ASAH2: variants seen among roughly 807,000 people sequenced by gnomAD.
ASAH2 encodes the protein N-acylsphingosine amidohydrolase 2, also known as neutral ceramidase.
A neutral mutation model predicts 82.9 loss-of-function variants in ASAH2; 58 were observed. The observed-to-expected ratio is 0.70, with a 90% CI of 0.57 to 0.87. The LOEUF (loss-of-function observed/expected upper bound fraction) is 0.87, where lower values mean the gene tolerates loss of function less well. ASAH2 is among the 40% of genes least tolerant of loss of function. ASAH2 has a pLI of 0.00. For missense variants in ASAH2, 779 were observed against 834.0 expected (o/e 0.93, Z 0.81); for synonymous variants, 276 against 289.7 (o/e 0.95, Z 0.48).
At chr10:50,236,185 A>G in intron 4 of ASAH2, 121 bp from the exon 5 acceptor site, 2 of 879,444 alleles carry the variant, frequency 2.3e-6, no homozygotes, top group Non-Finnish European at 3.8e-6. Flanking sequence ...GTCCATTCTC[A>G]TGCTGCTAAT....
chr10:50,198,725 T>A, intron 17 of ASAH2, among the ~76,000 whole-genome samples: 1 of 151,972 alleles, frequency 6.6e-6, no homozygotes, highest in Non-Finnish European at 1.5e-5. Context: ...TATGTGCTCC[T>A]CTGAAAACTG....
intron 8 of ASAH2, among the ~76,000 whole-genome samples, chr10:50,216,008 G>T (rs1391870340): frequency 2.6e-5 from 4 of 152,136 alleles, no homozygotes; most frequent in Non-Finnish European, 5.9e-5. Context: ...CATATCCTTT[G>T]CAGGGACATG....
intron 16 of ASAH2, 60 bp from the exon 17 acceptor site, chr10:50,199,206 G>A: frequency 1.3e-6 from 2 of 1,582,156 alleles, no homozygotes; most frequent in Non-Finnish European, 8.7e-7. Flanking sequence ...ATTTACAGAG[G>A]TGTAGCATTT....
chr10:50,199,452 T>C (rs1845082765), intron 16 of ASAH2, among the ~76,000 whole-genome samples: 1 of 151,730 alleles, frequency 6.6e-6, no homozygotes, highest in African/African-American at 2.4e-5. Context: ...ACTTGTAATA[T>C]AAGTGCTTTC....
intron 7 of ASAH2, among the ~76,000 whole-genome samples, chr10:50,231,421 A>G (rs934693177): frequency 1.3e-5 from 2 of 151,884 alleles, no homozygotes; most frequent in African/African-American, 4.8e-5. Flanking sequence ...TCTCAGGAAA[A>G]ACTCAGGGCT....
chr10:50,227,205 G>T (rs1845908382), intron 7 of ASAH2, among the ~76,000 whole-genome samples: 2 of 152,012 alleles, frequency 1.3e-5, no homozygotes, highest in South Asian at 4.1e-4. Flanking sequence ...ATAAAGAACG[G>T]TTCAAAGAAA....
At chr10:50,211,619 A>T (rs1413663655) in intron 10 of ASAH2, among the ~76,000 whole-genome samples, 1 of 151,242 alleles carries the variant, frequency 6.6e-6, no homozygotes, top group East Asian at 1.9e-4. Flanking sequence ...CCCACAATCC[A>T]CTCTTCGGTG....
At chr10:50,229,819 T>G (rs1475128371) in intron 7 of ASAH2, among the ~76,000 whole-genome samples, 5 of 152,180 alleles carry the variant, frequency 3.3e-5, no homozygotes, top group Admixed American at 3.3e-4. Context: ...AGGGAAACCT[T>G]TCCCAATCTC....
At chr10:50,205,896 T>C (rs1845280065) in intron 13 of ASAH2, 86 bp downstream of exon 13, 8 of 1,074,198 alleles carry the variant, frequency 7.4e-6, no homozygotes, top group Admixed American at 1.7e-5. Context: ...CCCATCTCAG[T>C]AGATATCTAC....
At chr10:50,196,512 C>T (rs1418633011) in intron 18 of ASAH2, among the ~76,000 whole-genome samples, 83 of 148,204 alleles carry the variant, frequency 5.6e-4, no homozygotes, top group Admixed American at 2.4e-3. Context: ...TAAGAGACAA[C>T]TCTCAGTGCC....
At chr10:50,205,480 A>C (rs1219950792) in intron 13 of ASAH2, among the ~76,000 whole-genome samples, 1 of 152,022 alleles carries the variant, frequency 6.6e-6, no homozygotes, top group African/African-American at 2.4e-5. Flanking sequence ...AAATGCTTCT[A>C]ACTCAACAAT....
intron 17 of ASAH2, 26 bp downstream of exon 17, chr10:50,199,025 T>C (rs1441336318): frequency 2.3e-5 from 37 of 1,607,316 alleles, no homozygotes; most frequent in Non-Finnish European, 2.7e-5. Context: ...CACGCGCGCA[T>C]GCACGCACAA....
intron 7 of ASAH2, among the ~76,000 whole-genome samples, chr10:50,221,056 T>C (rs1845731471): frequency 6.6e-6 from 1 of 152,194 alleles, no homozygotes. Flanking sequence ...GTGAGCTGAA[T>C]TCAGTCCCTG....
chr10:50,236,103 A>T, intron 4 of ASAH2, 39 bp from the exon 5 acceptor site: 1 of 1,576,450 alleles, frequency 6.3e-7, no homozygotes, highest in Non-Finnish European at 8.7e-7. Context: ...AAGAGGGATA[A>T]CATAGGAGCT....
At chr10:50,225,124 C>T (rs1198183434) in intron 7 of ASAH2, among the ~76,000 whole-genome samples, 1 of 152,180 alleles carries the variant, frequency 6.6e-6, no homozygotes, top group Non-Finnish European at 1.5e-5. Context: ...AGAAATATCT[C>T]ATTAGGGTAA....
chr10:50,210,102 A>G (rs1845410459), intron 12 of ASAH2, among the ~76,000 whole-genome samples: 1 of 152,216 alleles, frequency 6.6e-6, no homozygotes. Flanking sequence ...TAGACTATTT[A>G]TAGATTCATA....
chr10:50,222,917 A>G (rs1342595982), intron 7 of ASAH2, among the ~76,000 whole-genome samples: 1 of 152,252 alleles, frequency 6.6e-6, no homozygotes, highest in African/African-American at 2.4e-5. Flanking sequence ...CTTTAGTTTC[A>G]GAAGTTAAGA....
At chr10:50,243,095 G>T in intron 4 of ASAH2, 107 bp downstream of exon 4, 3 of 1,311,916 alleles carry the variant, frequency 2.3e-6, no homozygotes, top group Non-Finnish European at 3.2e-6. Context: ...GAAGGTAATA[G>T]AATTTCACTG....
At chr10:50,222,030 C>A (rs1420952435) in intron 7 of ASAH2, among the ~76,000 whole-genome samples, 1 of 151,996 alleles carries the variant, frequency 6.6e-6, no homozygotes, top group Non-Finnish European at 1.5e-5. Context: ...GAAGGAGGGC[C>A]CTGTGTTCAG....
Sources: allele counts gnomAD v4.1 joint callset (sites outside exome capture counted in the v4.1 genomes callset), GRCh38; gene constraint gnomAD v4.1.1; transcripts MANE v1.5; gene names NCBI Gene and HGNC (gene_info 2026-07-23, HGNC 2026-07-21).